LPIN1: variants seen among roughly 807,000 people sequenced by gnomAD.
LPIN1 encodes the protein lipin 1, also known as phosphatidate phosphatase LPIN1.
LPIN1 carries 71 observed loss-of-function variants against 107.5 expected under a neutral mutation model. The ratio of observed to expected loss-of-function variants is 0.66; its 90% confidence interval spans 0.55 to 0.80. The LOEUF is 0.80. Ranked by LOEUF, LPIN1 falls within the 30% of genes least tolerant of loss-of-function variation. The pLI is 0.00. For synonymous variants in LPIN1, 445 were observed against 452.6 expected (o/e 0.98, Z 0.21); for missense variants, 1,043 against 1,160.6 (o/e 0.90, Z 1.47).
chr2:11,768,511 G>T (rs1671299795), intron 3 of LPIN1, among the ~76,000 whole-genome samples: 1 of 150,350 alleles, frequency 6.7e-6, no homozygotes, highest in African/African-American at 2.4e-5. Flanking sequence ...TTTTGTGCCT[G>T]TTTTTTTTTG....
intron 1 of LPIN1, among the ~76,000 whole-genome samples, chr2:11,689,397 G>A (rs1015320671): frequency 2.6e-5 from 4 of 152,228 alleles, no homozygotes; most frequent in Non-Finnish European, 5.9e-5. Flanking sequence ...GTTGGTTTTA[G>A]ACCTGACGAG....
intron 8 of LPIN1, 44 bp downstream of exon 8, chr2:11,782,551 T>C: frequency 6.2e-7 from 1 of 1,610,184 alleles, no homozygotes; most frequent in Admixed American, 1.7e-5. Context: ...GTTCATAGTT[T>C]GTGCTCACTC....
At chr2:11,751,411 A>G (rs898566180) in intron 1 of LPIN1, among the ~76,000 whole-genome samples, 1 of 152,234 alleles carries the variant, frequency 6.6e-6, no homozygotes, top group Non-Finnish European at 1.5e-5. Flanking sequence ...AAGCAACACT[A>G]TGGGAAGTAT....
chr2:11,786,947 TTG>T lies in LPIN1; in HGVS notation c.1550-125_1550-124del, dbSNP rs1674696197. 1.4e-6 allele frequency: 1 copy of T among 730,186 alleles called. No individual in the cohort carries two copies. The highest frequency in any genetic ancestry group is 2.5e-6 in the Non-Finnish European group (1 of 399,696). The allele number at this position is 730,186 out of a possible 1,614,324, so 45.2% of individuals were successfully genotyped here. A position where few individuals can be genotyped will look rare whatever the true frequency, so the allele number is the denominator to read the frequency against. On this transcript the variant is annotated intron_variant, in intron 10 of 20. Transcript: ENST00000674199. The surrounding 1 kb of genome is among the most constrained non-coding windows in gnomAD (Gnocchi z 4.1). ...GCCTTTACAAATACATTTTATAGGA[TTG>T]TCTGCACAGTTGGAATGCACAAACT...
chr2:11,759,855 G>A (rs1354803806), intron 1 of LPIN1, among the ~76,000 whole-genome samples: 2 of 137,048 alleles, frequency 1.5e-5, no homozygotes, highest in East Asian at 2.1e-4. Context: ...CTGGCCGGGC[G>A]GGGGCTGCCC....
intron 1 of LPIN1, among the ~76,000 whole-genome samples, chr2:11,734,666 T>C (rs1175326478): frequency 6.6e-6 from 1 of 152,200 alleles, no homozygotes; most frequent in Non-Finnish European, 1.5e-5. Flanking sequence ...CTGTCTTCCC[T>C]GATGTTTACA....
intron 16 of LPIN1, 125 bp downstream of exon 16, chr2:11,804,696 G>T: frequency 9.9e-7 from 1 of 1,011,662 alleles, no homozygotes; most frequent in Admixed American, 1.8e-5. Context: ...GGTGCAGTTG[G>T]AGCTCCTTAC....
At chr2:11,760,546 C>T (rs1485908927) in intron 1 of LPIN1, among the ~76,000 whole-genome samples, 2 of 152,178 alleles carry the variant, frequency 1.3e-5, no homozygotes, top group African/African-American at 2.4e-5. Context: ...TCAGGCGTGG[C>T]GGCGCACGCC....
chr2:11,790,407 G>A (rs778890692), intron 12 of LPIN1, among the ~76,000 whole-genome samples: 2 of 152,214 alleles, frequency 1.3e-5, no homozygotes, highest in Non-Finnish European at 2.9e-5. Context: ...CATCTGAAAC[G>A]GGAGGGTAGG....
intron 13 of LPIN1, 136 bp from the exon 14 acceptor site, chr2:11,795,272 T>A: frequency 1.3e-6 from 1 of 741,774 alleles, no homozygotes; most frequent in Non-Finnish European, 2.4e-6. Context: ...TCCTGGGCGA[T>A]CGCTAGGGTG....
chr2:11,698,411 C>T (rs1034633687), intron 1 of LPIN1, among the ~76,000 whole-genome samples: 22 of 152,200 alleles, frequency 1.4e-4, no homozygotes, highest in African/African-American at 4.6e-4. Context: ...TACGCCTCTT[C>T]CGGGAAACGT....
At chr2:11,704,591 G>A (rs1271334468) in intron 1 of LPIN1, among the ~76,000 whole-genome samples, 1 of 152,174 alleles carries the variant, frequency 6.6e-6, no homozygotes, top group East Asian at 1.9e-4. Context: ...TGTCCATGAA[G>A]TCTGGAATCA....
At chr2:11,778,644 GC>G (rs1325188815) in intron 6 of LPIN1, among the ~76,000 whole-genome samples, 1 of 152,198 alleles carries the variant, frequency 6.6e-6, no homozygotes, top group Non-Finnish European at 1.5e-5. Context: ...AAACCCTGCC[GC>G]CTTCCTCTAG....
Position 11,805,128 on chromosome 2 carries a change from A to T in LPIN1, c.2221A>T (p.Ile741Phe), listed in dbSNP as rs754566566. The T allele has an allele frequency of 1.2e-6, 2 of 1,613,960 alleles. No individual in the cohort carries two copies. The highest frequency in any genetic ancestry group is 1.3e-5 in the African/African-American group (1 of 74,902). The part of the protein sequence containing the change: ...TLGKDWTHQG[I>F]AKLYHKVSQN... ...TGGGAAGGATTGGACCCATCAGGGCATCGCTAAGCTGTACCATAAAGTGAG... is the reference window on the plus strand; with the variant it reads ...TGGGAAGGATTGGACCCATCAGGGCTTCGCTAAGCTGTACCATAAAGTGAG... Residue 741 changes from isoleucine (I) to phenylalanine (F), a missense_variant, in exon 17 of 21, where the codon ATC (isoleucine) becomes TTC (phenylalanine). Transcript: ENST00000674199.
At chr2:11,723,507 A>C (rs1486187526), upstream of LPIN1, 1 of 152,184 alleles carries the variant, frequency 6.6e-6, no homozygotes, top group South Asian at 2.1e-4. Context: ...AATACAAAAA[A>C]TTACCTGGGC....
chr2:11,722,902 CAT>C (rs1298691008), upstream of LPIN1, among the ~76,000 whole-genome samples: 2 of 152,232 alleles, frequency 1.3e-5, no homozygotes, highest in Admixed American at 6.5e-5. Context: ...TAGATTAGCA[CAT>C]GACTTAAAAG....
chr2:11,766,279 C>T (rs1670869947), intron 2 of LPIN1, among the ~76,000 whole-genome samples: 1 of 151,758 alleles, frequency 6.6e-6, no homozygotes, highest in Admixed American at 6.6e-5. Context: ...CTGCTGTGCT[C>T]TACTGGTTGG....
intron 5 of LPIN1, 59 bp downstream of exon 5, chr2:11,773,804 G>C: frequency 6.4e-7 from 1 of 1,569,040 alleles, no homozygotes. Flanking sequence ...GTGATAGGAA[G>C]CAATTCTAAG....
chr2:11,794,348 T>A (rs990956206), intron 13 of LPIN1, among the ~76,000 whole-genome samples: 5 of 152,224 alleles, frequency 3.3e-5, no homozygotes, highest in Admixed American at 6.5e-5. Flanking sequence ...GGAACAGTTA[T>A]GAAATTAAAT....
Sources: allele counts gnomAD v4.1 joint callset (sites outside exome capture counted in the v4.1 genomes callset), GRCh38; gene constraint gnomAD v4.1.1; non-coding constraint Gnocchi (gnomAD v3.1); transcripts MANE v1.5; gene names NCBI Gene and HGNC (gene_info 2026-07-23, HGNC 2026-07-21).